TSPAN12: variants seen among roughly 807,000 people sequenced by gnomAD.
TSPAN12 encodes the protein tetraspanin-12.
A neutral mutation model predicts 39.2 loss-of-function variants in TSPAN12; 19 were observed. The ratio of observed to expected loss-of-function variants is 0.49; its 90% confidence interval spans 0.34 to 0.71. The LOEUF (loss-of-function observed/expected upper bound fraction) is 0.71, where lower values mean the gene tolerates loss of function less well. Among genes scored for constraint, TSPAN12 ranks in the 30% least tolerant of loss-of-function variants. TSPAN12 has a pLI of 0.01. For synonymous variants in TSPAN12, 119 were observed against 124.8 expected (o/e 0.95, Z 0.31); for missense variants, 314 against 359.9 (o/e 0.87, Z 1.03).
intron 7 of TSPAN12, among the ~76,000 whole-genome samples, chr7:120,797,517 TAC>T (rs1427913445): frequency 2.0e-5 from 3 of 152,236 alleles, no homozygotes; most frequent in African/African-American, 7.2e-5. Flanking sequence ...CTTTAATTAG[TAC>T]ACACACAAAA....
chr7:120,807,150 C>A (rs1793890286), intron 6 of TSPAN12, among the ~76,000 whole-genome samples: 3 of 151,974 alleles, frequency 2.0e-5, no homozygotes, highest in African/African-American at 7.2e-5. Flanking sequence ...TGACCAAAGC[C>A]CACATCACAA....
At chr7:120,811,890 G>T (rs1793989990) in intron 5 of TSPAN12, among the ~76,000 whole-genome samples, 1 of 151,910 alleles carries the variant, frequency 6.6e-6, no homozygotes, top group Non-Finnish European at 1.5e-5. Flanking sequence ...TGGACTTTGG[G>T]GACTCGGGAG....
In TSPAN12 at chr7:120,788,548, G is replaced by A. The variant is rs563230122; in HGVS notation, c.*44C>T. ...ATAGTATGTACTCAAAAATTCACAAGTCCAGTAAAACAAGTTTGTGGTTTT... is the reference window on the plus strand; with the variant it reads ...ATAGTATGTACTCAAAAATTCACAAATCCAGTAAAACAAGTTTGTGGTTTT... On this transcript the variant is annotated 3_prime_UTR_variant, in exon 8 of 8. Transcript: ENST00000222747. The A allele has an allele frequency of 1.2e-5, 20 of 1,610,610 alleles. No individual in the cohort carries two copies. The East Asian group carries it at 4.2e-4, about 34-fold the overall frequency.
At chr7:120,801,027 C>A (rs1157629313) in intron 7 of TSPAN12, among the ~76,000 whole-genome samples, 1 of 152,094 alleles carries the variant, frequency 6.6e-6, no homozygotes, top group Admixed American at 6.6e-5. Context: ...CACAAGTGAT[C>A]CACCCGCCCC....
chr7:120,818,082 A>G (rs1196201910), intron 4 of TSPAN12, among the ~76,000 whole-genome samples: 1 of 152,102 alleles, frequency 6.6e-6, no homozygotes, highest in Non-Finnish European at 1.5e-5. Context: ...TGCTGTTAAG[A>G]CTTCAGAAAA....
chr7:120,791,085 T>C (rs2116284006), intron 7 of TSPAN12, among the ~76,000 whole-genome samples: 1 of 152,236 alleles, frequency 6.6e-6, no homozygotes, highest in East Asian at 1.9e-4. Flanking sequence ...TCCCAGCACG[T>C]TGGGAGGCCA....
At chr7:120,833,642 A>G (rs1427289993) in intron 4 of TSPAN12, among the ~76,000 whole-genome samples, 1 of 152,158 alleles carries the variant, frequency 6.6e-6, no homozygotes, top group East Asian at 1.9e-4. Flanking sequence ...AGGTACATCC[A>G]ACTTAATTTC....
intron 7 of TSPAN12, among the ~76,000 whole-genome samples, chr7:120,804,867 A>T (rs1477291072): frequency 6.6e-6 from 1 of 152,108 alleles, no homozygotes; most frequent in Non-Finnish European, 1.5e-5. Context: ...AAGATGAAAC[A>T]GATCAGGGTG....
In TSPAN12 at chr7:120,838,911, C is replaced by A. The variant is rs776239832; in HGVS notation, c.151G>T (p.Val51Leu). Residue 51 changes from valine (V) to leucine (L), a missense_variant and splice_region_variant, in exon 4 of 8, where the codon GTA becomes TTA. Transcript: ENST00000222747. ...NVLTLTAETRVEEAVILTYFP... is the reference protein window; with the variant it reads ...NVLTLTAETRLEEAVILTYFP... Reference sequence around the variant, plus strand: ...TAAGTCAAAATGACTGCTTCCTCTACCCTGAAAGAAGAAAAATAATGTATT... The same window carrying A: ...TAAGTCAAAATGACTGCTTCCTCTAACCTGAAAGAAGAAAAATAATGTATT... 1 of 1,613,804 alleles carries A rather than the reference C, an allele frequency of 6.2e-7. No homozygotes were observed. The highest frequency in any genetic ancestry group is 8.5e-7 in the Non-Finnish European group (1 of 1,179,888).
chr7:120,815,156 T>C (rs1262719062), intron 5 of TSPAN12, among the ~76,000 whole-genome samples: 6 of 152,118 alleles, frequency 3.9e-5, no homozygotes, highest in Non-Finnish European at 8.8e-5. Context: ...GTATACCAAA[T>C]AAAATTTTAC....
At chr7:120,796,558 AT>A (rs1793634939) in intron 7 of TSPAN12, among the ~76,000 whole-genome samples, 1 of 152,176 alleles carries the variant, frequency 6.6e-6, no homozygotes, top group Admixed American at 6.5e-5. Context: ...TGTGGGTACT[AT>A]TAATATCTTA....
At chr7:120,817,547 C>A (rs889787494) in intron 4 of TSPAN12, among the ~76,000 whole-genome samples, 1 of 152,120 alleles carries the variant, frequency 6.6e-6, no homozygotes, top group Admixed American at 6.5e-5. Context: ...ATAAGGCTAC[C>A]TCATTTTACA....
intron 2 of TSPAN12, among the ~76,000 whole-genome samples, chr7:120,849,624 T>C (rs1794733773): frequency 6.6e-6 from 1 of 152,240 alleles, no homozygotes; most frequent in South Asian, 2.1e-4. Context: ...ACCTGAATCT[T>C]AGTTACAGCT....
intron 7 of TSPAN12, among the ~76,000 whole-genome samples, chr7:120,794,432 C>T (rs186839337): frequency 1.1e-3 from 169 of 152,222 alleles, no homozygotes; most frequent in African/African-American, 3.4e-3. Context: ...TTGGTGATAA[C>T]GGAGTTCTCC....
At chr7:120,816,509 T>C (rs186536926) in intron 4 of TSPAN12, among the ~76,000 whole-genome samples, 1 of 151,636 alleles carries the variant, frequency 6.6e-6, no homozygotes, top group Non-Finnish European at 1.5e-5. Flanking sequence ...ACCAGGCAAA[T>C]AAAAGCCATG....
intron 3 of TSPAN12, among the ~76,000 whole-genome samples, chr7:120,839,637 A>AG (rs1297436963): frequency 3.9e-5 from 6 of 152,124 alleles, no homozygotes; most frequent in African/African-American, 1.4e-4. Flanking sequence ...TTGAAATTTG[A>AG]GAAAAAAAAA....
intron 4 of TSPAN12, among the ~76,000 whole-genome samples, chr7:120,834,769 T>A (rs1794447052): frequency 6.6e-6 from 1 of 152,136 alleles, no homozygotes. Flanking sequence ...ACATCCAAAA[T>A]AAAAGTAAGA....
intron 4 of TSPAN12, among the ~76,000 whole-genome samples, chr7:120,833,283 C>G (rs1281605876): frequency 4.6e-5 from 7 of 151,992 alleles, no homozygotes; most frequent in Non-Finnish European, 1.0e-4. Context: ...GGACTTATGA[C>G]TAGCTATATA....
intron 7 of TSPAN12, among the ~76,000 whole-genome samples, chr7:120,799,520 T>G (rs1793703320): frequency 8.3e-6 from 1 of 120,738 alleles, no homozygotes. Context: ...TTATATATAA[T>G]TAATTATATA....
Sources: allele counts gnomAD v4.1 joint callset (sites outside exome capture counted in the v4.1 genomes callset), GRCh38; gene constraint gnomAD v4.1.1; transcripts MANE v1.5; gene names NCBI Gene and HGNC (gene_info 2026-07-23, HGNC 2026-07-21).